Variants in SMARCC1 observed in about 807,000 individuals in gnomAD.
SMARCC1 encodes the protein SWI/SNF complex subunit SMARCC1.
Under a neutral mutation model 147.4 loss-of-function variants are expected in SMARCC1, and 43 were observed. The observed-to-expected ratio is 0.29, with a 90% CI of 0.23 to 0.38. The LOEUF (loss-of-function observed/expected upper bound fraction) is 0.38, where lower values mean the gene tolerates loss of function less well. Among genes scored for constraint, SMARCC1 ranks in the 10% least tolerant of loss-of-function variants. The pLI is 1.00. For missense variants in SMARCC1, 1,119 were observed against 1,381.1 expected (o/e 0.81, Z 3.01); for synonymous variants, 495 against 484.4 (o/e 1.02, Z -0.29).
At chr3:47,704,528 C>T (rs913471348) in intron 10 of SMARCC1, among the ~76,000 whole-genome samples, 1 of 152,024 alleles carries the variant, frequency 6.6e-6, no homozygotes, top group Admixed American at 6.6e-5. Context: ...TCCTGGCACC[C>T]CATTTTATCT....
rs758279888 is a variant in SMARCC1, at chr3:47,644,934, CA to C, written c.2321-6155del. The stretch of plus-strand genomic sequence containing the variant: ...TAACTGTATCATCCTCTTGGTATTC[CA>C]TGAAACGGCAAGGTGGGGGGAGTCA... On this transcript the variant is annotated intron_variant, in intron 21 of 27. Transcript: ENST00000254480. 5.6e-3 allele frequency among the ~76,000 whole-genome samples: 859 copies of C among 152,158 alleles called. 5 individuals are homozygous for C. The highest frequency in any genetic ancestry group is 0.02 in the African/African-American group (823 of 41,506).
chr3:47,690,194 T>TA (rs1374108358), intron 12 of SMARCC1, among the ~76,000 whole-genome samples: 2 of 151,426 alleles, frequency 1.3e-5, no homozygotes, highest in East Asian at 1.9e-4. Flanking sequence ...TGTCTCTTAT[T>TA]AAAAAAAAGA....
At chr3:47,686,818 C>T (rs2033729814) in intron 13 of SMARCC1, among the ~76,000 whole-genome samples, 1 of 152,032 alleles carries the variant, frequency 6.6e-6, no homozygotes, top group Admixed American at 6.6e-5. Context: ...GACTTTGTCT[C>T]TACTAAAAAT....
chr3:47,761,488 T>C (rs945082395), intron 2 of SMARCC1, among the ~76,000 whole-genome samples: 2 of 151,698 alleles, frequency 1.3e-5, no homozygotes, highest in African/African-American at 2.4e-5. Context: ...ATTTGATCAC[T>C]GTATTTGCCA....
At chr3:47,633,989 C>T (rs74486999) in intron 24 of SMARCC1, among the ~76,000 whole-genome samples, 6,733 of 151,672 alleles carry the variant, frequency 0.044, 508 homozygotes, top group African/African-American at 0.15. Context: ...AGAGCAAAAC[C>T]GGACAAATGG....
chr3:47,653,901 G>A (rs553847465), intron 21 of SMARCC1, among the ~76,000 whole-genome samples: 1 of 152,298 alleles, frequency 6.6e-6, no homozygotes, highest in South Asian at 2.1e-4. Context: ...GTCAGCCCTT[G>A]TAGTCTCATG....
chr3:47,752,953 T>G (rs1442343939), intron 2 of SMARCC1, among the ~76,000 whole-genome samples: 1 of 152,198 alleles, frequency 6.6e-6, no homozygotes, highest in African/African-American at 2.4e-5. Context: ...TGGCTGACTC[T>G]ATTGGAAATT....
chr3:47,777,639 T>C (rs916186712), intron 1 of SMARCC1, among the ~76,000 whole-genome samples: 6 of 151,936 alleles, frequency 3.9e-5, no homozygotes, highest in Non-Finnish European at 8.8e-5. Flanking sequence ...GTGATTCTCC[T>C]GCCTCAGTCT....
intron 24 of SMARCC1, among the ~76,000 whole-genome samples, chr3:47,630,153 C>T (rs1289468202): frequency 7.5e-6 from 1 of 132,590 alleles, no homozygotes; most frequent in East Asian, 2.2e-4. Flanking sequence ...ACAATTTTTT[C>T]CACGGGGCCT....
At chr3:47,590,356 C>A (rs1465063302) in intron 27 of SMARCC1, among the ~76,000 whole-genome samples, 1 of 152,264 alleles carries the variant, frequency 6.6e-6, no homozygotes, top group East Asian at 1.9e-4. Flanking sequence ...CTCTACATGT[C>A]TGTTGAGAGT....
At chr3:47,646,659 C>T (rs912472859) in intron 21 of SMARCC1, among the ~76,000 whole-genome samples, 4 of 152,162 alleles carry the variant, frequency 2.6e-5, no homozygotes, top group South Asian at 4.1e-4. Context: ...TCATGAATTA[C>T]GACTATTTGG....
chr3:47,746,044 T>C, intron 2 of SMARCC1, 51 bp from the exon 3 acceptor site: 1 of 1,142,460 alleles, frequency 8.8e-7, no homozygotes. Context: ...CTGACAAAAT[T>C]ACTCATGTCT....
At chr3:47,729,133 C>A (rs1237711767) in intron 5 of SMARCC1, 39 bp from the exon 6 acceptor site, 4 of 1,342,170 alleles carry the variant, frequency 3.0e-6, no homozygotes, top group Non-Finnish European at 4.3e-6. Flanking sequence ...AAATAAAGCA[C>A]ATGGCAATGA....
At chr3:47,693,193 T>C (rs1456654126) in intron 12 of SMARCC1, 48 bp downstream of exon 12, 1 of 1,046,194 alleles carries the variant, frequency 9.6e-7, no homozygotes, top group Non-Finnish European at 1.5e-6. Context: ...GGAGATGACA[T>C]ATTCAAGACA....
At chr3:47,624,107 C>A (rs762191003) in intron 24 of SMARCC1, among the ~76,000 whole-genome samples, 8 of 151,826 alleles carry the variant, frequency 5.3e-5, no homozygotes, top group Non-Finnish European at 7.4e-5. Context: ...CCGGCCAACA[C>A]AGCAAAAACC....
intron 26 of SMARCC1, among the ~76,000 whole-genome samples, chr3:47,600,984 G>A (rs9860934): frequency 9.8e-6 from 1 of 102,264 alleles, no homozygotes; most frequent in Non-Finnish European, 1.9e-5. Flanking sequence ...CAGCAGACAG[G>A]GAGAGGAAGA....
intron 11 of SMARCC1, among the ~76,000 whole-genome samples, chr3:47,697,767 G>A (rs1328598959): frequency 6.6e-6 from 1 of 151,670 alleles, no homozygotes; most frequent in African/African-American, 2.4e-5. Flanking sequence ...CAGCACTTTG[G>A]GAGGCCAAGG....
intron 21 of SMARCC1, among the ~76,000 whole-genome samples, chr3:47,642,871 C>T (rs911304638): frequency 1.3e-5 from 2 of 152,232 alleles, no homozygotes; most frequent in South Asian, 2.1e-4. Flanking sequence ...CATTGTCAGA[C>T]TCTGTCTCTA....
At chr3:47,701,590 G>A in intron 10 of SMARCC1, 188 bp from the exon 11 acceptor site, 1 of 546,544 alleles carries the variant, frequency 1.8e-6, no homozygotes, top group Non-Finnish European at 3.2e-6. Context: ...CGAGGCAGGT[G>A]GATCACTAAG....
Sources: gnomAD v4.1 joint callset for allele counts (sites outside exome capture counted in the v4.1 genomes callset) on GRCh38, gnomAD v4.1.1 for gene constraint, MANE v1.5 for transcripts, NCBI Gene and HGNC (gene_info 2026-07-23, HGNC 2026-07-21) for gene names.